Variants in ZNF799 observed in about 807,000 individuals in gnomAD.
ZNF799 encodes zinc finger protein 799, also known as zinc finger protein 14.
Under a neutral mutation model 41.0 loss-of-function variants are expected in ZNF799, and 28 were observed. The observed-to-expected ratio is 0.68, with a 90% confidence interval of 0.51 to 0.94. The LOEUF (loss-of-function observed/expected upper bound fraction) is 0.94, where lower values mean the gene tolerates loss of function less well. ZNF799 is among the 40% of genes least tolerant of loss of function. ZNF799 has a pLI of 0.00. For synonymous variants in ZNF799, 213 were observed against 252.9 expected (o/e 0.84, Z 1.50); for missense variants, 716 against 764.3 (o/e 0.94, Z 0.74).
intron 1 of ZNF799, among the ~76,000 whole-genome samples, chr19:12,396,842 C>T (rs372624662): frequency 1.8e-4 from 28 of 151,522 alleles, no homozygotes; most frequent in Admixed American, 5.3e-4. Flanking sequence ...GAATGTGTTA[C>T]TGGTGTACTT....
rs706546 is a variant in ZNF799, at chr19:12,390,244, T to C, written c.*222A>G. On this transcript the variant is annotated 3_prime_UTR_variant, in exon 4 of 4. Transcript: ENST00000430385. Reference sequence around the variant, plus strand: ...AGGATGTGGGTAAGTTACATACAAATATGTCATTTTATAAAAGGGACTGGA... The same window carrying C: ...AGGATGTGGGTAAGTTACATACAAACATGTCATTTTATAAAAGGGACTGGA... The C allele has an allele frequency of 4.3e-4, 372 of 856,308 alleles. 1 individual carries two copies. Among genetic ancestry groups the C allele is most frequent in the Non-Finnish European group, 5.0e-4 (279 of 560,890 alleles). The allele number at this position is 856,308 out of a possible 1,614,324, so 53.0% of individuals were successfully genotyped here. A position where few individuals can be genotyped will look rare whatever the true frequency, so the allele number is the denominator to read the frequency against.
At chr19:12,408,116 T>C in the ZNF799 span, among the ~76,000 whole-genome samples, 2 of 151,998 alleles carry the variant, frequency 1.3e-5, no homozygotes, top group Non-Finnish European at 2.9e-5. Flanking sequence ...ATTGTGCCAC[T>C]GCACTCCAGC....
At chr19:12,408,343 A>G in the ZNF799 span, among the ~76,000 whole-genome samples, 1 of 152,306 alleles carries the variant, frequency 6.6e-6, no homozygotes, top group Non-Finnish European at 1.5e-5. Flanking sequence ...GAAAGGAGGC[A>G]GAAAAAAAGA....
the ZNF799 span, among the ~76,000 whole-genome samples, chr19:12,410,439 G>A: frequency 2.3e-4 from 35 of 151,736 alleles, no homozygotes; most frequent in East Asian, 1.9e-4. Context: ...CAGCCTTAGC[G>A]AAATGTTTGA....
In ZNF799 at chr19:12,401,125, G is replaced by A; in HGVS notation, c.-55C>T. ...CCGGACGGCTCCCGCTGCCAATGCGGGTTCCCGCGGGACACAGGCTGCCAC... is the reference window on the plus strand; with the variant it reads ...CCGGACGGCTCCCGCTGCCAATGCGAGTTCCCGCGGGACACAGGCTGCCAC... On this transcript the variant is annotated 5_prime_UTR_variant, in exon 1 of 4. Transcript: ENST00000430385. 2 of 1,613,020 alleles carry A rather than the reference G, an allele frequency of 1.2e-6. No homozygotes were observed.
the ZNF799 span, among the ~76,000 whole-genome samples, chr19:12,412,830 G>A: frequency 4.6e-5 from 7 of 151,646 alleles, no homozygotes; most frequent in Non-Finnish European, 1.0e-4. Context: ...ACCTGAGGCC[G>A]GGAGTTTGAG....
chr19:12,397,966 T>C (rs560396237), intron 1 of ZNF799, among the ~76,000 whole-genome samples: 115 of 152,258 alleles, frequency 7.6e-4, no homozygotes, highest in African/African-American at 2.7e-3. Flanking sequence ...AAAAGCCATA[T>C]GGGGCTGGGC....
At chr19:12,398,219 A>T (rs1210104678) in intron 1 of ZNF799, 1 of 148,342 alleles carries the variant, frequency 6.7e-6, no homozygotes, top group Non-Finnish European at 1.5e-5. Context: ...AGATCGTGCC[A>T]CTGCACTCCA....
chr19:12,409,984 T>G, the ZNF799 span, among the ~76,000 whole-genome samples: 1 of 151,868 alleles, frequency 6.6e-6, no homozygotes, highest in Non-Finnish European at 1.5e-5. Flanking sequence ...CTGTCTCTAC[T>G]AAAAATACAA....
chr19:12,408,269 T>G, the ZNF799 span, among the ~76,000 whole-genome samples: 1,555 of 152,216 alleles, frequency 0.01, 17 homozygotes, highest in African/African-American at 0.036. Flanking sequence ...CACATAGTAA[T>G]AGATTTACTA....
intron 1 of ZNF799, among the ~76,000 whole-genome samples, chr19:12,396,855 C>G (rs1207906594): frequency 6.6e-6 from 1 of 151,676 alleles, no homozygotes; most frequent in Non-Finnish European, 1.5e-5. Context: ...GTGTACTTGT[C>G]TTGCCAATAA....
At chr19:12,414,822 AG>A in the ZNF799 span, among the ~76,000 whole-genome samples, 1 of 152,192 alleles carries the variant, frequency 6.6e-6, no homozygotes, top group African/African-American at 2.4e-5. Flanking sequence ...TCCCAAGCTT[AG>A]GAGCCAAACT....
rs890821811 is a variant in ZNF799, at chr19:12,400,958, C to G, written c.3+110G>C. 2.0e-5 allele frequency: 32 copies of G among 1,593,722 alleles called. No individual in the cohort carries two copies. In the African/African-American group the frequency reaches 3.4e-4, roughly 17 times the overall value. On this transcript the variant is annotated intron_variant, in intron 1 of 3. Coordinates refer to ENST00000430385, the MANE Select transcript of ZNF799 (RefSeq NM_001080821.3). Reference sequence around the variant, plus strand: ...CGACCTACGCCAGGGGAACCCGGGTCCGTAGATCCCGGAGTAGCCCTTGGG... The same window carrying G: ...CGACCTACGCCAGGGGAACCCGGGTGCGTAGATCCCGGAGTAGCCCTTGGG...
At chr19:12,409,640 A>G in the ZNF799 span, among the ~76,000 whole-genome samples, 1 of 152,216 alleles carries the variant, frequency 6.6e-6, no homozygotes, top group Non-Finnish European at 1.5e-5. Flanking sequence ...GATGGACTAT[A>G]TTCTGAGCCA....
At chr19:12,392,729 T>C in intron 2 of ZNF799, 66 bp from the exon 3 acceptor site, 1 of 1,263,900 alleles carries the variant, frequency 7.9e-7, no homozygotes, top group East Asian at 2.4e-5. Flanking sequence ...AGTAACATTT[T>C]GATGTACACT....
At chr19:12,410,254 C>CAT in the ZNF799 span, among the ~76,000 whole-genome samples, 1,223 of 61,422 alleles carry the variant, frequency 0.02, 10 homozygotes, top group Non-Finnish European at 0.021. Context: ...TGTCTGTGTG[C>CAT]ATATATATAT....
In ZNF799 at chr19:12,401,097, C is replaced by G. The variant is rs767486749; in HGVS notation, c.-27G>C. The G allele has an allele frequency of 6.2e-7, 1 of 1,613,772 alleles. No individual in the cohort carries two copies. Among genetic ancestry groups the G allele is most frequent in the Non-Finnish European group, 8.5e-7 (1 of 1,179,826 alleles). On this transcript the variant is annotated 5_prime_UTR_variant, in exon 1 of 4. Transcript: ENST00000430385. ...TCCCGACTTCCGCGGTGTCCCAGGT[C>G]CTCCGGACGGCTCCCGCTGCCAATG...
the ZNF799 span, among the ~76,000 whole-genome samples, chr19:12,408,977 G>A: frequency 2.0e-5 from 3 of 152,122 alleles, no homozygotes; most frequent in South Asian, 6.2e-4. Context: ...AGAGGTTGCA[G>A]TGAGCCGAGA....
chr19:12,391,700 G>C lies in ZNF799; in HGVS notation c.698C>G (p.Ala233Gly), dbSNP rs978909008. The change falls in exon 4 of 4, where the codon GCC (alanine) becomes GGC (glycine). Residue 233 changes from alanine to glycine, a missense_variant. This residue lies in a region of ZNF799 where 698 missense variants were observed against 713.6 expected (regional missense o/e 0.98). Transcript: ENST00000430385. ...KPYECKQCSK[A>G]FSFYSSYLRH... ...TAGATAGGAACTGTAAAAAGAAAAG[G>C]CTTTAGAACACTGCTTACATTCATA... 1 of 1,614,008 alleles carries C rather than the reference G, an allele frequency of 6.2e-7. No homozygotes were observed. The highest frequency in any genetic ancestry group is 1.7e-5 in the Admixed American group (1 of 60,006).
Sources: allele counts gnomAD v4.1 joint callset (sites outside exome capture counted in the v4.1 genomes callset), GRCh38; gene constraint gnomAD v4.1.1; regional missense constraint gnomAD v4.1.1; transcripts MANE v1.5; gene names NCBI Gene and HGNC (gene_info 2026-07-23, HGNC 2026-07-21).